The following MTIF2 variants were observed in gnomAD, a reference collection of about 807,000 sequenced individuals.
MTIF2 encodes the protein mitochondrial translational initiation factor 2, also known as translation initiation factor IF-2, mitochondrial.
A neutral mutation model predicts 83.5 loss-of-function variants in MTIF2; 71 were observed. That is an observed-to-expected ratio of 0.85 (90% CI 0.70 to 1.04). The LOEUF (loss-of-function observed/expected upper bound fraction) is 1.04. Among genes scored for constraint, MTIF2 ranks in the 50% least tolerant of loss-of-function variants. MTIF2 has a pLI of 0.00. For synonymous variants in MTIF2, 319 were observed against 287.1 expected (o/e 1.11, Z -1.12); for missense variants, 957 against 846.5 (o/e 1.13, Z -1.62).
intron 4 of MTIF2, 132 bp from the exon 5 acceptor site, chr2:55,262,559 T>C (rs1573919596): frequency 3.4e-6 from 2 of 593,210 alleles, no homozygotes; most frequent in East Asian, 6.4e-5. Flanking sequence ...TTTTTTTTTT[T>C]TGAGACAGAC....
intron 6 of MTIF2, 24 bp from the exon 7 acceptor site, chr2:55,254,225 T>A (rs766674795): frequency 6.2e-7 from 1 of 1,601,982 alleles, no homozygotes; most frequent in East Asian, 2.2e-5. Context: ...CAAAAGAGTT[T>A]CATTTCTTAA....
At chr2:55,238,599 C>T (rs1017181875) in intron 14 of MTIF2, among the ~76,000 whole-genome samples, 1 of 152,092 alleles carries the variant, frequency 6.6e-6, no homozygotes, top group African/African-American at 2.4e-5. Flanking sequence ...CCATGTTGGT[C>T]AGACTGGTCT....
intron 3 of MTIF2, among the ~76,000 whole-genome samples, chr2:55,266,832 A>G (rs1305187144): frequency 7.8e-6 from 1 of 127,680 alleles, no homozygotes; most frequent in Non-Finnish European, 1.5e-5. Flanking sequence ...CAGTGGTGTG[A>G]TCTCAGCCCA....
intron 3 of MTIF2, among the ~76,000 whole-genome samples, chr2:55,265,986 A>G (rs575084446): frequency 3.5e-4 from 53 of 152,314 alleles, no homozygotes; most frequent in African/African-American, 1.2e-3. Context: ...GATGACATGA[A>G]GTATACAATG....
At chr2:55,246,511 A>C (rs745943144) in intron 9 of MTIF2, 50 bp from the exon 10 acceptor site, 5 of 1,491,822 alleles carry the variant, frequency 3.4e-6, no homozygotes, top group African/African-American at 1.4e-5. Flanking sequence ...TATTATCTGT[A>C]AATGTAAATG....
intron 10 of MTIF2, among the ~76,000 whole-genome samples, chr2:55,244,463 A>G (rs1465644485): frequency 1.3e-5 from 2 of 152,348 alleles, no homozygotes; most frequent in South Asian, 2.1e-4. Context: ...ACCTGAGCCC[A>G]GGAGTTCAAA....
At chr2:55,268,314 A>G (rs1678588175) in intron 2 of MTIF2, among the ~76,000 whole-genome samples, 1 of 152,222 alleles carries the variant, frequency 6.6e-6, no homozygotes, top group Non-Finnish European at 1.5e-5. Flanking sequence ...AATACTTCTA[A>G]GAATGGCACA....
intron 13 of MTIF2, among the ~76,000 whole-genome samples, chr2:55,241,804 T>C (rs1676335623): frequency 6.6e-6 from 1 of 151,790 alleles, no homozygotes; most frequent in Middle Eastern, 3.4e-3. Flanking sequence ...GATTGCGCCA[T>C]TGTACTCCAG....
intron 4 of MTIF2, 34 bp from the exon 5 acceptor site, chr2:55,262,461 G>T: frequency 7.1e-7 from 1 of 1,418,278 alleles, no homozygotes; most frequent in Non-Finnish European, 9.7e-7. Context: ...AAACAAAAAG[G>T]AAGAAAAAAC....
At chr2:55,265,058 C>A (rs1000297870) in intron 3 of MTIF2, among the ~76,000 whole-genome samples, 1 of 151,870 alleles carries the variant, frequency 6.6e-6, no homozygotes, top group Admixed American at 6.6e-5. Flanking sequence ...GCCTGGCCAA[C>A]GTCGTGAAAC....
intron 4 of MTIF2, among the ~76,000 whole-genome samples, chr2:55,263,237 A>T (rs1678172942): frequency 6.6e-6 from 1 of 152,250 alleles, no homozygotes; most frequent in African/African-American, 2.4e-5. Flanking sequence ...TGTATCCTTA[A>T]TTCACTGTTT....
rs1382685654 is a variant in MTIF2, at chr2:55,254,116, G to A, written c.589C>T (p.Leu197Phe). 64 of 1,614,184 alleles carry A rather than the reference G, an allele frequency of 4.0e-5. No homozygotes were observed. The highest frequency in any genetic ancestry group is 5.4e-5 in the Non-Finnish European group (64 of 1,180,024). The change falls in exon 7 of 16, where the codon CTT becomes TTT. Residue 197 changes from leucine (L) to phenylalanine (F), a missense_variant. Physicochemically the swap from Leu to Phe is conservative, Grantham distance 22 (BLOSUM62 0). Coordinates refer to ENST00000263629, the MANE Select transcript of MTIF2 (RefSeq NM_002453.3). ...GHVDHGKTTL[L>F]DKFRKTQVAA... ...ACTTGAGTTTTTCGAAATTTGTCAAGTAATGTCGTTTTCCCGTGATCAACA... is the reference window on the plus strand; with the variant it reads ...ACTTGAGTTTTTCGAAATTTGTCAAATAATGTCGTTTTCCCGTGATCAACA...
At chr2:55,256,215 G>A (rs915241626) in intron 5 of MTIF2, among the ~76,000 whole-genome samples, 1 of 151,828 alleles carries the variant, frequency 6.6e-6, no homozygotes, top group Non-Finnish European at 1.5e-5. Flanking sequence ...TGTTGAGTAG[G>A]TGAATTTTCA....
rs180918745 is a variant in MTIF2 at position 55,258,212 on chromosome 2, C to G, written c.332-3387G>C. On this transcript the variant is annotated intron_variant, in intron 5 of 15. Transcript: ENST00000263629. ...AAGCTCACAAACTGATGCAAGCCAGCACCAGCAAGCCACTGATTGTACTCC... is the reference window on the plus strand; with the variant it reads ...AAGCTCACAAACTGATGCAAGCCAGGACCAGCAAGCCACTGATTGTACTCC... Among the ~76,000 whole-genome samples, 14 of 152,288 alleles carry G rather than the reference C, an allele frequency of 9.2e-5. No homozygotes were observed. The East Asian group carries it at 2.7e-3, about 29-fold the overall frequency.
chr2:55,259,446 A>G (rs921740465), intron 5 of MTIF2, among the ~76,000 whole-genome samples: 3 of 152,000 alleles, frequency 2.0e-5, no homozygotes, highest in Non-Finnish European at 2.9e-5. Flanking sequence ...TTTATTAGTC[A>G]TAATAAAGAA....
rs1213497232 is a variant in MTIF2, at chr2:55,252,485, T to C, written c.833A>G (p.Asp278Gly). The C allele has an allele frequency of 6.2e-7, 1 of 1,614,072 alleles. No individual in the cohort carries two copies. The highest frequency in any genetic ancestry group is 8.5e-7 in the Non-Finnish European group (1 of 1,179,950). Residue 278 changes from aspartate (D) to glycine (G), a missense_variant, in exon 8 of 16, where the codon GAT becomes GGT. Physicochemically the swap from Asp to Gly is moderately conservative, Grantham distance 94 (BLOSUM62 -1). Transcript: ENST00000263629. The part of the protein sequence containing the change: ...QTVESIQHAK[D>G]AQVPIILAVN... ...AGTCAGCCACACAGTACCCTGTGCA[T>C]CTTTGGCATGCTGAATAGATTCTAC...
At chr2:55,244,691 G>C (rs1249018981) in intron 10 of MTIF2, among the ~76,000 whole-genome samples, 1 of 152,032 alleles carries the variant, frequency 6.6e-6, no homozygotes, top group Non-Finnish European at 1.5e-5. Flanking sequence ...AAGGTGGGTG[G>C]ATTGCTTGAG....
chr2:55,250,225 A>G (rs1408811176), intron 8 of MTIF2, among the ~76,000 whole-genome samples: 1 of 152,164 alleles, frequency 6.6e-6, no homozygotes, highest in Non-Finnish European at 1.5e-5. Context: ...TCGTGTGTAC[A>G]AAAAGCCATG....
At position 55,268,598 on chromosome 2, in the gene MTIF2, G is replaced by C. The variant is rs1678606891; in HGVS notation, c.-95C>G. On this transcript the variant is annotated 5_prime_UTR_variant, in exon 2 of 16. Transcript: ENST00000263629. ...CTTACTCCAAGCTCCTCATTTTACA[G>C]AAAAGGAAACGGAAATCCAGAAGGG... is the stretch of plus-strand genomic sequence containing the variant. 6.6e-6 allele frequency: 1 copy of C among 152,214 alleles called. No homozygotes were observed. The highest frequency in any genetic ancestry group is 2.1e-4 in the South Asian group (1 of 4,830). 9.4% of individuals were successfully genotyped at this position (152,214 alleles called of 1,614,324 possible). A position where few individuals can be genotyped will look rare whatever the true frequency, so the allele number is the denominator to read the frequency against.
Sources: allele counts gnomAD v4.1 joint callset (sites outside exome capture counted in the v4.1 genomes callset), GRCh38; gene constraint gnomAD v4.1.1; transcripts MANE v1.5; gene names NCBI Gene and HGNC (gene_info 2026-07-23, HGNC 2026-07-21).